NTRK3: variants seen among roughly 807,000 people sequenced by gnomAD.
The protein encoded by NTRK3 is neurotrophic receptor tyrosine kinase 3.
In NTRK3, 24 loss-of-function variants were observed where a neutral mutation model predicts 91.7. That is an observed-to-expected ratio of 0.26 (90% CI 0.19 to 0.37). The LOEUF is 0.37. Ranked by LOEUF, NTRK3 falls within the 10% of genes least tolerant of loss-of-function variation. NTRK3 has a pLI of 1.00. For missense variants in NTRK3, 880 were observed against 1,068.9 expected (o/e 0.82, Z 2.46); for synonymous variants, 483 against 404.0 (o/e 1.20, Z -2.34).
chr15:88,070,616 T>C (rs971220246), intron 13 of NTRK3, among the ~76,000 whole-genome samples: 2 of 151,956 alleles, frequency 1.3e-5, no homozygotes, highest in African/African-American at 4.8e-5. Flanking sequence ...CTCCCCTCCT[T>C]CCTTCCTGAT....
chr15:87,865,369 T>G (rs1479558694), exon 19 of NTRK3: 7 of 212,112 alleles, frequency 3.3e-5, no homozygotes, highest in Non-Finnish European at 6.7e-5. Context: ...GACAGAATAC[T>G]GTGACTTTGG....
chr15:87,916,624 G>A, intron 17 of NTRK3: 1 of 700,218 alleles, frequency 1.4e-6, no homozygotes, highest in Non-Finnish European at 2.6e-6. Flanking sequence ...AAGTTTAGGA[G>A]ATAACTAGAA....
At chr15:87,968,811 T>A (rs764446274) in intron 14 of NTRK3, among the ~76,000 whole-genome samples, 4 of 152,182 alleles carry the variant, frequency 2.6e-5, no homozygotes, top group South Asian at 2.1e-4. Flanking sequence ...TGATTCTAAC[T>A]GCAATTTGGG....
At chr15:87,871,931 T>C (rs2064835887) in exon 19 of NTRK3, 1 of 222,056 alleles carries the variant, frequency 4.5e-6, no homozygotes, top group Non-Finnish European at 9.0e-6. Context: ...AAACTTGGAA[T>C]TTTCCTTCAA....
chr15:87,982,641 T>C (rs990049026), intron 14 of NTRK3, among the ~76,000 whole-genome samples: 16 of 152,124 alleles, frequency 1.1e-4, no homozygotes, highest in African/African-American at 3.9e-4. Context: ...AAATGGAGCT[T>C]AGGGGAGAAG....
chr15:87,976,817 T>C (rs1302906927), intron 14 of NTRK3, among the ~76,000 whole-genome samples: 2 of 152,224 alleles, frequency 1.3e-5, no homozygotes, highest in African/African-American at 4.8e-5. Context: ...CCGTCTTTCC[T>C]TGGGCAAGGT....
intron 5 of NTRK3, among the ~76,000 whole-genome samples, chr15:88,152,704 G>A (rs796582489): frequency 2.6e-5 from 4 of 152,292 alleles, no homozygotes; most frequent in East Asian, 1.9e-4. Context: ...AGGCCTTAAC[G>A]GCCAAGTTGG....
intron 17 of NTRK3, among the ~76,000 whole-genome samples, chr15:87,886,676 C>CTACATATATATATATATATATATATATA (rs1555429880): frequency 4.9e-5 from 5 of 101,214 alleles, no homozygotes; most frequent in Admixed American, 2.0e-4. Flanking sequence ...CCACTTTTTG[C>CTACATATATATATATATATATATATATA]TATATATATA....
At position 88,021,823 on chromosome 15, in the gene NTRK3, C is replaced by T. The variant is rs191229200; in HGVS notation, c.1585+11034G>A. On this transcript the variant is annotated intron_variant, in intron 14 of 18. Coordinates refer to ENST00000394480, the Ensembl canonical transcript of NTRK3. ...AAGGTATGACTCACGTGTTCACTCA[C>T]AGCAAGATGGAGATGATGACTGCTT... 1.9e-4 allele frequency among the ~76,000 whole-genome samples: 29 copies of T among 152,250 alleles called. No homozygotes were observed. The East Asian group carries it at 5.4e-3, about 28-fold the overall frequency.
rs183609763 is a variant in NTRK3 at position 87,937,108 on chromosome 15, C to A, written c.1716+3515G>T. 1.2e-4 allele frequency among the ~76,000 whole-genome samples: 19 copies of A among 152,272 alleles called. 1 individual carries two copies. In the East Asian group the frequency reaches 2.3e-3, roughly 19 times the overall value. On this transcript the variant is annotated intron_variant, in intron 15 of 18. Coordinates refer to ENST00000394480, the Ensembl canonical transcript of NTRK3. ...CACTGAGCTGTGTCTACATGACAGC[C>A]CAGATTAGCTGGCACTCCTTATGAC...
At chr15:88,125,206 G>A (rs1262762073) in intron 13 of NTRK3, among the ~76,000 whole-genome samples, 3 of 152,216 alleles carry the variant, frequency 2.0e-5, no homozygotes, top group African/African-American at 7.2e-5. Flanking sequence ...AGGTTTCTGA[G>A]AATATAGCGA....
chr15:87,961,542 G>A (rs576663107), intron 14 of NTRK3, among the ~76,000 whole-genome samples: 23 of 152,376 alleles, frequency 1.5e-4, no homozygotes, highest in Admixed American at 4.6e-4. Context: ...CAGGTTTGCC[G>A]ATTGGCATAC....
At chr15:87,904,636 A>C (rs2141679260) in intron 17 of NTRK3, among the ~76,000 whole-genome samples, 1 of 152,322 alleles carries the variant, frequency 6.6e-6, no homozygotes, top group South Asian at 2.1e-4. Context: ...TGTCTAAGGC[A>C]TGGGTATTAT....
chr15:88,072,567 A>G, intron 13 of NTRK3: 1 of 232,650 alleles, frequency 4.3e-6, no homozygotes, highest in Non-Finnish European at 8.5e-6. Flanking sequence ...TTTGAGTCAC[A>G]TTTAAGCAAG....
chr15:88,184,110 G>T, intron 4 of NTRK3, 115 bp downstream of exon 4: 3 of 1,013,248 alleles, frequency 3.0e-6, no homozygotes, highest in Non-Finnish European at 3.0e-6. Context: ...GAAGACCTGG[G>T]GGAGAAAGCA....
At chr15:87,990,464 G>A (rs566200896) in intron 14 of NTRK3, among the ~76,000 whole-genome samples, 18 of 152,116 alleles carry the variant, frequency 1.2e-4, no homozygotes, top group African/African-American at 4.1e-4. Flanking sequence ...ACCATTTCTT[G>A]TTCACAGATT....
chr15:87,954,007 AGTGTGTGTGTGTGT>A (rs61653896), intron 14 of NTRK3, among the ~76,000 whole-genome samples: 2,827 of 127,746 alleles, frequency 0.022, 41 homozygotes, highest in Non-Finnish European at 0.027. Context: ...AGACCTTTTC[AGTGTGTGTGTGTGT>A]GTGTGTGTGT....
rs1200740641 is a variant in NTRK3 at position 88,240,919 on chromosome 15, C to A, written c.248+14987G>T. ...AGAGCAATGAGAATGGTGTGCCCAGCATTCTGCATGGAGGCATGTGTGCCC... is the reference window on the plus strand; with the variant it reads ...AGAGCAATGAGAATGGTGTGCCCAGAATTCTGCATGGAGGCATGTGTGCCC... On this transcript the variant is annotated intron_variant, in intron 3 of 18. Transcript: ENST00000394480. This position sits in a 1 kb window ranked among gnomAD's most constrained non-coding sequence, Gnocchi z 4.9. Among the ~76,000 whole-genome samples, 1 of 152,222 alleles carries A rather than the reference C, an allele frequency of 6.6e-6. No homozygotes were observed. Among genetic ancestry groups the A allele is most frequent in the African/African-American group, 2.4e-5 (1 of 41,456 alleles).
intron 11 of NTRK3, 124 bp from the exon 12 acceptor site, chr15:88,127,350 C>T: frequency 2.5e-6 from 2 of 793,288 alleles, no homozygotes; most frequent in East Asian, 2.6e-5. Flanking sequence ...CTCTGAAAGC[C>T]AGGCTCTTGC....
Sources: allele counts gnomAD v4.1 joint callset (sites outside exome capture counted in the v4.1 genomes callset), GRCh38; gene constraint gnomAD v4.1.1; non-coding constraint Gnocchi (gnomAD v3.1); transcripts MANE v1.5; gene names NCBI Gene and HGNC (gene_info 2026-07-23, HGNC 2026-07-21).